The following ZNF652 variants were observed in gnomAD, a reference collection of about 807,000 sequenced individuals.
The protein encoded by ZNF652 is zinc finger protein 652.
In ZNF652, 16 loss-of-function variants were observed where a neutral mutation model predicts 45.2. That is an observed-to-expected ratio of 0.35 (90% confidence interval 0.24 to 0.54). ZNF652 has a LOEUF of 0.54. Among genes scored for constraint, ZNF652 ranks in the 20% least tolerant of loss-of-function variants. The pLI is 0.91. For missense variants in ZNF652, 614 were observed against 765.6 expected (o/e 0.80, Z 2.34); for synonymous variants, 250 against 260.6 (o/e 0.96, Z 0.39).
chr17:49,298,576 TG>T lies in ZNF652; in HGVS notation c.1657del (p.His553ThrfsTer30). The T allele has an allele frequency of 6.3e-7, 1 of 1,592,098 alleles. No homozygotes were observed. Among genetic ancestry groups the T allele is most frequent in the Non-Finnish European group, 8.5e-7 (1 of 1,171,618 alleles). On this transcript the variant is annotated frameshift_variant, in exon 6 of 6. Coordinates refer to ENST00000430262, the MANE Select transcript of ZNF652 (RefSeq NM_001145365.3). LOFTEE classifies it high-confidence loss of function. ...GTGGTGTGGGTGGTGAGGGTGTGGG[TG>T]GATGTGCAGGTGTGAGAAGGGGTGG... ...IPHPFSHLHI[H>X]PHPHHPHHLP...
downstream of ZNF652, among the ~76,000 whole-genome samples, chr17:49,288,801 G>A (rs1434356176): frequency 6.6e-6 from 1 of 152,092 alleles, no homozygotes; most frequent in African/African-American, 2.4e-5. Context: ...TATAATTATT[G>A]CTTTTCACTG....
intron 5 of ZNF652, among the ~76,000 whole-genome samples, chr17:49,308,262 G>A (rs938314210): frequency 2.0e-5 from 3 of 151,628 alleles, no homozygotes; most frequent in East Asian, 1.9e-4. Flanking sequence ...CTGCAGCCTC[G>A]ATCTCTTGGG....
chr17:49,314,522 T>TATA (rs952932731), intron 2 of ZNF652, among the ~76,000 whole-genome samples: 12 of 152,300 alleles, frequency 7.9e-5, no homozygotes, highest in African/African-American at 2.9e-4. Flanking sequence ...AACTAAAGCC[T>TATA]ATACCTTTTC....
intron 5 of ZNF652, among the ~76,000 whole-genome samples, chr17:49,309,184 C>T (rs2069673289): frequency 6.6e-6 from 1 of 151,810 alleles, no homozygotes; most frequent in Non-Finnish European, 1.5e-5. Context: ...GACACAACTT[C>T]CGCCTTCACA....
chr17:49,329,092 C>A (rs548923083), intron 1 of ZNF652, among the ~76,000 whole-genome samples: 1 of 152,308 alleles, frequency 6.6e-6, no homozygotes, highest in African/African-American at 2.4e-5. Flanking sequence ...GAAACTCATA[C>A]CTTCCTTCAG....
chr17:49,317,069 T>TG lies in ZNF652; in HGVS notation c.656dup (p.Pro220ThrfsTer2). The TG allele has an allele frequency of 6.2e-7, 1 of 1,614,122 alleles. No individual in the cohort carries two copies. Among genetic ancestry groups the TG allele is most frequent in the Non-Finnish European group, 8.5e-7 (1 of 1,180,010 alleles). The stretch of plus-strand genomic sequence containing the variant: ...TTGTGGCCCGCTTCTTACGCTTAGG[T>TG]GGCTCTACACTCTTCCTACGACCTC... On this transcript the variant is annotated frameshift_variant, in exon 2 of 6. Coordinates refer to ENST00000430262, the MANE Select transcript of ZNF652 (RefSeq NM_001145365.3). LOFTEE classifies it high-confidence loss of function.
intron 1 of ZNF652, among the ~76,000 whole-genome samples, chr17:49,355,322 C>T (rs923655907): frequency 3.3e-5 from 5 of 152,178 alleles, no homozygotes; most frequent in Middle Eastern, 3.4e-3. Context: ...TGGTGGCTCA[C>T]GCCTGTATTC....
At chr17:49,321,782 CA>C (rs1256498690) in intron 1 of ZNF652, among the ~76,000 whole-genome samples, 3 of 152,134 alleles carry the variant, frequency 2.0e-5, no homozygotes, top group Non-Finnish European at 4.4e-5. Flanking sequence ...ATGCAGTGAT[CA>C]AATGATCAGT....
chr17:49,315,650 A>G (rs1409478791), intron 2 of ZNF652, among the ~76,000 whole-genome samples: 1 of 152,078 alleles, frequency 6.6e-6, no homozygotes, highest in African/African-American at 2.4e-5. Context: ...TGACCCCTAG[A>G]GTGCAGCAGT....
chr17:49,351,773 A>C (rs2070285199), intron 1 of ZNF652, among the ~76,000 whole-genome samples: 1 of 152,148 alleles, frequency 6.6e-6, no homozygotes, highest in Non-Finnish European at 1.5e-5. Context: ...GCTTGAGCTC[A>C]GGAGTTTTGA....
intron 5 of ZNF652, among the ~76,000 whole-genome samples, chr17:49,308,019 T>C (rs1212670716): frequency 1.3e-5 from 2 of 152,164 alleles, no homozygotes; most frequent in Non-Finnish European, 2.9e-5. Context: ...TAAACACTTA[T>C]GCAAAGTATT....
chr17:49,345,864 G>C (rs1346592853), intron 1 of ZNF652, among the ~76,000 whole-genome samples: 2 of 148,364 alleles, frequency 1.3e-5, no homozygotes, highest in Non-Finnish European at 3.0e-5. Context: ...AAGAAATGAA[G>C]TAATCAAACC....
At chr17:49,338,632 T>C (rs970534031) in intron 1 of ZNF652, among the ~76,000 whole-genome samples, 2 of 152,134 alleles carry the variant, frequency 1.3e-5, no homozygotes, top group Non-Finnish European at 2.9e-5. Flanking sequence ...AGATGCAAAT[T>C]AGACAATTAA....
At chr17:49,311,799 C>T in intron 4 of ZNF652, 128 bp downstream of exon 4, 1 of 737,966 alleles carries the variant, frequency 1.4e-6, no homozygotes, top group South Asian at 1.9e-5. Flanking sequence ...GAGCTCAGAA[C>T]ACATGTCTGA....
intron 1 of ZNF652, chr17:49,322,302 A>AG (rs2069903502): frequency 6.6e-6 from 1 of 152,256 alleles, no homozygotes; most frequent in African/African-American, 2.4e-5. Context: ...ATCAGGAGCA[A>AG]GCTTTCTCAA....
In ZNF652 at chr17:49,317,548, A is replaced by G. The variant is rs763801501; in HGVS notation, c.178T>C (p.Ser60Pro). The G allele has an allele frequency of 1.2e-6, 2 of 1,614,116 alleles. No homozygotes were observed. The highest frequency in any genetic ancestry group is 1.7e-6 in the Non-Finnish European group (2 of 1,180,010). ...CTCATCTTGGTGTCCACTAACACAG[A>G]ATAAGGACTTCCTGATTCCCTTTTG... ...VYKRESGSPY[S>P]VLVDTKMSKP... is the part of the protein sequence containing the mutation. The change falls in exon 2 of 6, where the codon TCT becomes CCT. Residue 60 changes from serine to proline, a missense_variant. This residue lies in a region of ZNF652 where 133 missense variants were observed against 132.2 expected (regional missense o/e 1.01). Transcript: ENST00000430262.
At chr17:49,306,842 T>C (rs999057498) in intron 5 of ZNF652, among the ~76,000 whole-genome samples, 3 of 152,160 alleles carry the variant, frequency 2.0e-5, no homozygotes, top group African/African-American at 7.2e-5. Context: ...AACCTCCCTG[T>C]CGTGGGCTCA....
At chr17:49,329,503 C>A (rs1042869412) in intron 1 of ZNF652, among the ~76,000 whole-genome samples, 3 of 152,130 alleles carry the variant, frequency 2.0e-5, no homozygotes, top group Non-Finnish European at 2.9e-5. Context: ...TATCACTGGG[C>A]CTTATTTTGG....
intron 1 of ZNF652, among the ~76,000 whole-genome samples, chr17:49,358,936 GTTT>G (rs1192011819): frequency 6.6e-6 from 1 of 152,172 alleles, no homozygotes; most frequent in Non-Finnish European, 1.5e-5. Context: ...CTCCTTAAGT[GTTT>G]CACTGCTATG....
Sources: allele counts gnomAD v4.1 joint callset (sites outside exome capture counted in the v4.1 genomes callset), GRCh38; gene constraint gnomAD v4.1.1; regional missense constraint gnomAD v4.1.1; transcripts MANE v1.5; gene names NCBI Gene and HGNC (gene_info 2026-07-23, HGNC 2026-07-21).